NXPH1: variants seen among roughly 807,000 people sequenced by gnomAD.
The protein encoded by NXPH1 is neurexophilin-1.
Under a neutral mutation model 23.7 loss-of-function variants are expected in NXPH1, and 5 were observed. The observed-to-expected ratio is 0.21, with a 90% CI of 0.11 to 0.44. The LOEUF is 0.44. Ranked by LOEUF, NXPH1 falls within the 20% of genes least tolerant of loss-of-function variation. The probability of loss-of-function intolerance (pLI) is 0.99; values close to 1 mark genes in which losing one functional copy is unlikely to be tolerated. For synonymous variants in NXPH1, 144 were observed against 122.2 expected (o/e 1.18, Z -1.18); for missense variants, 324 against 321.6 (o/e 1.01, Z -0.06).
chr7:8,734,248 C>G (rs1380723311), intron 2 of NXPH1, among the ~76,000 whole-genome samples: 1 of 152,104 alleles, frequency 6.6e-6, no homozygotes, highest in Admixed American at 6.5e-5. Context: ...TGTTTTGGTA[C>G]CACTACCATG....
intron 2 of NXPH1, among the ~76,000 whole-genome samples, chr7:8,534,214 T>C: frequency 6.6e-6 from 1 of 152,090 alleles, no homozygotes. Flanking sequence ...GAGCAGATGC[T>C]GGTGCCTCAA....
intron 2 of NXPH1, among the ~76,000 whole-genome samples, chr7:8,636,271 T>C (rs1820217459): frequency 6.6e-6 from 1 of 152,228 alleles, no homozygotes; most frequent in Non-Finnish European, 1.5e-5. Flanking sequence ...GTGTTCTTTT[T>C]AAACAAAAGT....
intron 2 of NXPH1, among the ~76,000 whole-genome samples, chr7:8,661,005 G>T (rs1243568511): frequency 6.9e-6 from 1 of 144,218 alleles, no homozygotes; most frequent in African/African-American, 2.6e-5. Context: ...TATATGGAAC[G>T]ATCTTTTCCT....
intron 2 of NXPH1, among the ~76,000 whole-genome samples, chr7:8,633,516 C>G (rs1464697697): frequency 2.0e-5 from 3 of 152,132 alleles, no homozygotes; most frequent in Non-Finnish European, 4.4e-5. Context: ...TACAGTGTTG[C>G]GTGACAACCG....
At chr7:8,750,082 A>G (rs1032625774) in intron 2 of NXPH1, among the ~76,000 whole-genome samples, 1 of 152,228 alleles carries the variant, frequency 6.6e-6, no homozygotes, top group Admixed American at 6.5e-5. Flanking sequence ...AGAACTGACA[A>G]TTACTTAAAG....
intron 2 of NXPH1, among the ~76,000 whole-genome samples, chr7:8,512,037 T>A (rs988818365): frequency 6.6e-6 from 1 of 152,104 alleles, no homozygotes; most frequent in Non-Finnish European, 1.5e-5. Flanking sequence ...AAGCTCAAGA[T>A]GCATAATCCT....
chr7:8,698,486 T>C (rs1385776250), intron 2 of NXPH1, among the ~76,000 whole-genome samples: 1 of 152,180 alleles, frequency 6.6e-6, no homozygotes, highest in Non-Finnish European at 1.5e-5. Flanking sequence ...ATATCTGTGT[T>C]TGTAATTGCT....
intron 2 of NXPH1, among the ~76,000 whole-genome samples, chr7:8,436,798 C>T (rs1175220580): frequency 6.6e-6 from 1 of 152,116 alleles, no homozygotes; most frequent in Admixed American, 6.5e-5. Flanking sequence ...TGGGCTACAC[C>T]TCTGATTGGA....
intron 2 of NXPH1, among the ~76,000 whole-genome samples, chr7:8,549,414 T>C (rs547472334): frequency 6.6e-6 from 1 of 151,710 alleles, no homozygotes; most frequent in South Asian, 2.1e-4. Context: ...TTATCCAGGC[T>C]TTATTCTGAG....
Position 8,697,157 on chromosome 7 carries a change from CAAAAAAAAA to C in NXPH1, c.55-53836_55-53828del, listed in dbSNP as rs139349283. 4.6e-3 allele frequency among the ~76,000 whole-genome samples: 478 copies of C among 104,866 alleles called. 2 individuals carry two copies. The highest frequency in any genetic ancestry group is 0.016 in the African/African-American group (455 of 27,944). 68.8% of individuals were successfully genotyped at this position (104,866 alleles called of 152,430 possible). Reference sequence around the variant, plus strand: ...TGGGTGACAGGGAAAGATTCTGTTTCAAAAAAAAAAAAAAAAAAAAAAAGTGAATGATGA... The same window carrying C: ...TGGGTGACAGGGAAAGATTCTGTTTCAAAAAAAAAAAAAAGTGAATGATGA... On this transcript the variant is annotated intron_variant, in intron 2 of 2. Transcript: ENST00000405863.
intron 2 of NXPH1, among the ~76,000 whole-genome samples, chr7:8,732,513 T>G (rs1457609781): frequency 6.6e-6 from 1 of 152,208 alleles, no homozygotes; most frequent in Non-Finnish European, 1.5e-5. Flanking sequence ...TTCCTACATA[T>G]AGAACACTTC....
At chr7:8,688,516 C>G (rs992346822) in intron 2 of NXPH1, among the ~76,000 whole-genome samples, 1 of 152,154 alleles carries the variant, frequency 6.6e-6, no homozygotes, top group African/African-American at 2.4e-5. Flanking sequence ...TGTCTGCCAA[C>G]AGAATTGGGA....
At chr7:8,496,833 AATAAAT>A (rs1268688045) in intron 2 of NXPH1, among the ~76,000 whole-genome samples, 1 of 152,108 alleles carries the variant, frequency 6.6e-6, no homozygotes, top group African/African-American at 2.4e-5. Context: ...TGCTTCTCAT[AATAAAT>A]ATAAAGGAGG....
chr7:8,741,689 G>T (rs1276844467), intron 2 of NXPH1, among the ~76,000 whole-genome samples: 2 of 152,100 alleles, frequency 1.3e-5, no homozygotes, highest in African/African-American at 2.4e-5. Context: ...TCTGGCTTAT[G>T]TAAAATGCAG....
rs1254114308 is a variant in NXPH1 at position 8,435,515 on chromosome 7, C to CT, written c.-110-88dup. ...CCTCCCTTTTTTTTTTGGTCCCCCACTCCCCGCTACGACCCCCTTTCCCCG... is the reference window on the plus strand; with the variant it reads ...CCTCCCTTTTTTTTTTGGTCCCCCACTTCCCCGCTACGACCCCCTTTCCCCG... On this transcript the variant is annotated intron_variant, in intron 1 of 2. Coordinates refer to ENST00000405863, the MANE Select transcript of NXPH1 (RefSeq NM_152745.3). The surrounding 1 kb of genome is among the most constrained non-coding windows in gnomAD (Gnocchi z 5.9). The CT allele has an allele frequency of 1.9e-5, 11 of 567,418 alleles. No individual in the cohort carries two copies. The highest frequency in any genetic ancestry group is 6.8e-5 in the South Asian group (3 of 44,314). The allele number at this position is 567,418 out of a possible 1,614,324, so 35.1% of individuals were successfully genotyped here. A position where few individuals can be genotyped will look rare whatever the true frequency, so the allele number is the denominator to read the frequency against.
At chr7:8,745,942 C>T (rs1344594761) in intron 2 of NXPH1, among the ~76,000 whole-genome samples, 2 of 152,094 alleles carry the variant, frequency 1.3e-5, no homozygotes, top group African/African-American at 2.4e-5. Flanking sequence ...TTATCTACCA[C>T]ATCTAAGGAT....
chr7:8,719,979 A>T lies in NXPH1; in HGVS notation c.55-31029A>T, dbSNP rs547516806. On this transcript the variant is annotated intron_variant, in intron 2 of 2. Coordinates refer to ENST00000405863, the MANE Select transcript of NXPH1 (RefSeq NM_152745.3). ...TAGATTCAAGAGATTATGGCTTCAT[A>T]ATCAATTGTCATTTGGCTATGAAGT... Among the ~76,000 whole-genome samples, 34 of 152,322 alleles carry T rather than the reference A, an allele frequency of 2.2e-4. No individual in the cohort carries two copies. In the South Asian group the frequency reaches 6.8e-3, roughly 31 times the overall value.
rs772389139 is a variant in NXPH1 at position 8,751,663 on chromosome 7, T to A, written c.710T>A (p.Val237Glu). Residue 237 changes from valine (V) to glutamate (E), a missense_variant, in exon 3 of 3, where the codon GTG (valine) becomes GAG (glutamate). By Grantham distance (121) the Val-to-Glu change is moderately radical. Coordinates refer to ENST00000405863, the MANE Select transcript of NXPH1 (RefSeq NM_152745.3). The surrounding 1 kb of genome is among the most constrained non-coding windows in gnomAD (Gnocchi z 4.5). ...VSWLCSKPFKVICIYISFYST... is the reference protein window; with the variant it reads ...VSWLCSKPFKEICIYISFYST... ...TGGCTCTGCTCCAAGCCCTTTAAGG[T>A]GATCTGTATTTACATTTCCTTTTAT... The A allele has an allele frequency of 6.2e-7, 1 of 1,613,224 alleles. No individual in the cohort carries two copies. Among genetic ancestry groups the A allele is most frequent in the African/African-American group, 1.3e-5 (1 of 75,028 alleles).
intron 2 of NXPH1, among the ~76,000 whole-genome samples, chr7:8,448,668 C>T (rs867142958): frequency 9.9e-5 from 15 of 152,038 alleles, no homozygotes; most frequent in African/African-American, 3.6e-4. Flanking sequence ...ATACAAAAAA[C>T]GAGCCGGGTG....
Sources: gnomAD v4.1 joint callset for allele counts (sites outside exome capture counted in the v4.1 genomes callset) on GRCh38, gnomAD v4.1.1 for gene constraint, Gnocchi (gnomAD v3.1) non-coding constraint, MANE v1.5 for transcripts, NCBI Gene and HGNC (gene_info 2026-07-23, HGNC 2026-07-21) for gene names.